CRAT: variants seen among roughly 807,000 people sequenced by gnomAD.
The protein encoded by CRAT is carnitine acetylase.
CRAT carries 66 observed loss-of-function variants against 73.7 expected under a neutral mutation model. That is an observed-to-expected ratio of 0.90 (90% CI 0.73 to 1.10). The LOEUF (loss-of-function observed/expected upper bound fraction) is 1.10, where lower values mean the gene tolerates loss of function less well. Ranked by LOEUF, CRAT falls within the 50% of genes least tolerant of loss-of-function variation. CRAT has a pLI of 0.00. For synonymous variants in CRAT, 321 were observed against 343.2 expected, an observed-to-expected ratio of 0.94 and a Z score of 0.71; for missense variants, 745 against 846.9, an observed-to-expected ratio of 0.88 and a Z score of 1.49.
rs112276400 is a variant in CRAT, at chr9:129,095,910, A to G, written c.1665+88T>C. 485 of 1,552,700 alleles carry G rather than the reference A, an allele frequency of 3.1e-4. 1 individual carries two copies. In the African/African-American group the frequency reaches 4.2e-3, roughly 13 times the overall value. On this transcript the variant is annotated intron_variant, in intron 13 of 13. Transcript: ENST00000318080. Reference sequence around the variant, plus strand: ...CCTCTGGAACTCAGCTGTGTTGGCAATGGGTCAGTGGGGCCTGTGTAGGCC... The same window carrying G: ...CCTCTGGAACTCAGCTGTGTTGGCAGTGGGTCAGTGGGGCCTGTGTAGGCC...
At chr9:129,108,921 G>A (rs772255453) in intron 1 of CRAT, 111 of 1,274,020 alleles carry the variant, frequency 8.7e-5, no homozygotes, top group Non-Finnish European at 1.1e-4. Context: ...GAGAAGACAA[G>A]AGCCAAGATT....
Position 129,107,302 on chromosome 9 carries a change from G to A in CRAT, c.291+512C>T, listed in dbSNP as rs1848074730. 2.9e-6 allele frequency: 1 copy of A among 339,428 alleles called. No individual in the cohort carries two copies. Among genetic ancestry groups the A allele is most frequent in the African/African-American group, 2.1e-5 (1 of 47,678 alleles). 21.0% of individuals were successfully genotyped at this position (339,428 alleles called of 1,614,324 possible). A position where few individuals can be genotyped will look rare whatever the true frequency, so the allele number is the denominator to read the frequency against. ...CCGCCTTGGACTCCCAAAGTGCTGG[G>A]ATTATAGGTGTGAGTCACTGCATCC... On this transcript the variant is annotated intron_variant, in intron 2 of 13. Coordinates refer to ENST00000318080, the MANE Select transcript of CRAT (RefSeq NM_000755.5). This position sits in a 1 kb window ranked among gnomAD's most constrained non-coding sequence, Gnocchi z 5.0.
Position 129,095,319 on chromosome 9 carries a change from CA to C in CRAT, c.*77del. ...AAGAGGGAACCAAGGAAGAGGGAAC[CA>C]AGGAGCTGAGCCCTGGTGGGTGGCC... On this transcript the variant is annotated 3_prime_UTR_variant, in exon 14 of 14. Coordinates refer to ENST00000318080, the MANE Select transcript of CRAT (RefSeq NM_000755.5). 6.8e-7 allele frequency: 1 copy of C among 1,467,820 alleles called. No individual in the cohort carries two copies. Among genetic ancestry groups the C allele is most frequent in the Non-Finnish European group, 9.4e-7 (1 of 1,068,148 alleles). 90.9% of individuals were successfully genotyped at this position (1,467,820 alleles called of 1,614,324 possible). A position where few individuals can be genotyped will look rare whatever the true frequency, so the allele number is the denominator to read the frequency against.
chr9:129,099,276 G>A (rs1847504877), intron 8 of CRAT, among the ~76,000 whole-genome samples: 1 of 151,856 alleles, frequency 6.6e-6, no homozygotes, highest in Non-Finnish European at 1.5e-5. Context: ...CCAAGTAGCT[G>A]GGATTACAGG....
rs760965216 is a variant in CRAT, at chr9:129,102,524, C to T, written c.506G>A (p.Cys169Tyr). ...PVEYLGGKPL[C>Y]MNQYYQILSS... ...CAAGATCTGATAGTACTGGTTCATGCACAGTGGCTTCCCCCCCAGGTACTC... is the reference window on the plus strand; with the variant it reads ...CAAGATCTGATAGTACTGGTTCATGTACAGTGGCTTCCCCCCCAGGTACTC... The change falls in exon 5 of 14, where the codon TGC (cysteine) becomes TAC (tyrosine). Residue 169 changes from cysteine (C) to tyrosine (Y), a missense_variant. By Grantham distance (194) the Cys-to-Tyr change is radical. Transcript: ENST00000318080. 2 of 1,614,158 alleles carry T rather than the reference C, an allele frequency of 1.2e-6. No homozygotes were observed. Among genetic ancestry groups the T allele is most frequent in the South Asian group, 2.2e-5 (2 of 91,092 alleles).
Position 129,106,140 on chromosome 9 carries a change from G to A in CRAT, c.291+1674C>T, listed in dbSNP as rs373550875. Among the ~76,000 whole-genome samples the A allele has an allele frequency of 3.3e-5, 5 of 151,958 alleles. No homozygotes were observed. Among genetic ancestry groups the A allele is most frequent in the African/African-American group, 1.2e-4 (5 of 41,356 alleles). ...AGCCTTTGGCAAGGGGTGAGGGGGAGGCAACTTGGCAAGGGGTGAGGGGGA... is the reference window on the plus strand; with the variant it reads ...AGCCTTTGGCAAGGGGTGAGGGGGAAGCAACTTGGCAAGGGGTGAGGGGGA... On this transcript the variant is annotated intron_variant, in intron 2 of 13. Coordinates refer to ENST00000318080, the MANE Select transcript of CRAT (RefSeq NM_000755.5). This position sits in a 1 kb window ranked among gnomAD's most constrained non-coding sequence, Gnocchi z 4.0.
intron 8 of CRAT, 67 bp from the exon 9 acceptor site, chr9:129,098,717 G>T: frequency 6.5e-7 from 1 of 1,534,854 alleles, no homozygotes; most frequent in Non-Finnish European, 8.7e-7. Context: ...TCTGGGACCA[G>T]GGTGGGGAGG....
rs532999065 is a variant in CRAT, at chr9:129,095,235, G to T, written c.*162C>A. 2.6e-6 allele frequency: 2 copies of T among 766,376 alleles called. No homozygotes were observed. Among genetic ancestry groups the T allele is most frequent in the African/African-American group, 1.8e-5 (1 of 57,106 alleles). The allele number at this position is 766,376 out of a possible 1,614,324, so 47.5% of individuals were successfully genotyped here. On this transcript the variant is annotated 3_prime_UTR_variant, in exon 14 of 14. Transcript: ENST00000318080. ...TGACCCACGGAAGGCACTTGGCTGGGGCCTGCAGGCCCCCTGGAGGATGCG... is the reference window on the plus strand; with the variant it reads ...TGACCCACGGAAGGCACTTGGCTGGTGCCTGCAGGCCCCCTGGAGGATGCG...
At position 129,107,908 on chromosome 9, in the gene CRAT, G is replaced by T; in HGVS notation, c.197C>A (p.Thr66Asn). 1 of 1,611,212 alleles carries T rather than the reference G, an allele frequency of 6.2e-7. No homozygotes were observed. The highest frequency in any genetic ancestry group is 2.2e-5 in the East Asian group (1 of 44,882). The change falls in exon 2 of 14, where the codon ACC (threonine) becomes AAC (asparagine). Residue 66 changes from threonine (T) to asparagine (N), a missense_variant. Physicochemically the swap from Thr to Asn is moderately conservative, Grantham distance 65. Transcript: ENST00000318080. The surrounding 1 kb of genome is among the most constrained non-coding windows in gnomAD (Gnocchi z 5.0). ...PIVSEEEWAH[T>N]KQLVDEFQAS... ...CTGAAACTCATCCACCAGCTGCTTG[G>T]TGTGGGCCCACTCCTCCTCACTCAC...
At chr9:129,101,245 GC>G in intron 6 of CRAT, among the ~76,000 whole-genome samples, 1 of 152,242 alleles carries the variant, frequency 6.6e-6, no homozygotes, top group East Asian at 1.9e-4. Flanking sequence ...AAACATGTCT[GC>G]CCATGGCTGT....
chr9:129,095,489 C>T lies in CRAT; in HGVS notation c.1789G>A (p.Glu597Lys), dbSNP rs776900643. The change falls in exon 14 of 14, where the codon GAG becomes AAG. Residue 597 changes from glutamate (E) to lysine (K), a missense_variant. Coordinates refer to ENST00000318080, the MANE Select transcript of CRAT (RefSeq NM_000755.5). ...TGCGCCAGGCGGGCGGCGTTGGTCTCCGCGCAGCTGTTGTAGGCCGACAGG... is the reference window on the plus strand; with the variant it reads ...TGCGCCAGGCGGGCGGCGTTGGTCTTCGCGCAGCTGTTGTAGGCCGACAGG... ...FSLSAYNSCA[E>K]TNAARLAHYL... The T allele has an allele frequency of 1.9e-6, 3 of 1,613,504 alleles. No homozygotes were observed. Among genetic ancestry groups the T allele is most frequent in the East Asian group, 4.5e-5 (2 of 44,884 alleles).
Position 129,102,027 on chromosome 9 carries a change from C to T in CRAT, c.661G>A (p.Gly221Arg), listed in dbSNP as rs368593020. ...FFELDVYHSD[G>R]TPLTADQIFV... ...ATCTGATCCGCAGTGAGGGGTGTCCCGTCACTGTGGTACACATCCAGCTCA... is the reference window on the plus strand; with the variant it reads ...ATCTGATCCGCAGTGAGGGGTGTCCTGTCACTGTGGTACACATCCAGCTCA... Residue 221 changes from glycine to arginine, a missense_variant, in exon 6 of 14, where the codon GGG (glycine) becomes AGG (arginine). Physicochemically the swap from Gly to Arg is moderately radical, Grantham distance 125. Transcript: ENST00000318080. 1.4e-5 allele frequency: 22 copies of T among 1,613,994 alleles called. No homozygotes were observed. Among genetic ancestry groups the T allele is most frequent in the African/African-American group, 1.3e-4 (10 of 74,944 alleles).
Position 129,096,254 on chromosome 9 carries a change from C to T in CRAT, c.1528-119G>A. 13 of 1,301,046 alleles carry T rather than the reference C, an allele frequency of 1.0e-5. No individual in the cohort carries two copies. In the South Asian group the frequency reaches 1.6e-4, roughly 16 times the overall value. 80.6% of individuals were successfully genotyped at this position (1,301,046 alleles called of 1,614,324 possible). ...CACTGGCCACTCAAAACCACAAGAC[C>T]AGAGTATTCTGGCCAGAGAGAGCCT... is the stretch of plus-strand genomic sequence containing the variant. On this transcript the variant is annotated intron_variant, in intron 12 of 13. Transcript: ENST00000318080.
chr9:129,110,731 C>T lies in CRAT; in HGVS notation c.-222G>A, dbSNP rs1390374857. The T allele has an allele frequency of 4.8e-6, 3 of 620,638 alleles. No individual in the cohort carries two copies. The highest frequency in any genetic ancestry group is 7.7e-6 in the Non-Finnish European group (3 of 387,206). 38.4% of individuals were successfully genotyped at this position (620,638 alleles called of 1,614,324 possible). On this transcript the variant is annotated 5_prime_UTR_variant, in exon 1 of 14. Coordinates refer to ENST00000318080, the MANE Select transcript of CRAT (RefSeq NM_000755.5). This position sits in a 1 kb window ranked among gnomAD's most constrained non-coding sequence, Gnocchi z 5.3. ...GGGAGGAGGACTCGCGAGGCGGGGC[C>T]TGGGCCGGTAGCGGGCCCCGGGCGG...
chr9:129,095,499 G>A lies in CRAT; in HGVS notation c.1779C>T (p.Asn593=), dbSNP rs1469407222. The A allele has an allele frequency of 1.2e-6, 2 of 1,613,432 alleles. No individual in the cohort carries two copies. ...AHINFSLSAY[N]SCAETNAARL... ...GGGCGGCGTTGGTCTCCGCGCAGCT[G>A]TTGTAGGCCGACAGGGAGAAGTTGA... is the stretch of plus-strand genomic sequence containing the variant. The change falls in exon 14 of 14, where the codon AAC becomes AAT. Residue 593 remains asparagine, a synonymous_variant. Transcript: ENST00000318080.
chr9:129,102,351 ACTC>A (rs745705496), intron 5 of CRAT, 46 bp downstream of exon 5: 12 of 1,609,482 alleles, frequency 7.5e-6, no homozygotes, highest in African/African-American at 2.7e-5. Context: ...GTCCGGCTGT[ACTC>A]CTGCAGCAGG....
chr9:129,105,512 G>A (rs1048510710), intron 2 of CRAT, among the ~76,000 whole-genome samples: 2 of 151,940 alleles, frequency 1.3e-5, no homozygotes, highest in African/African-American at 4.8e-5. Context: ...GCTGCAGACA[G>A]GTTTTCACCA....
rs559882118 is a variant in CRAT at position 129,107,576 on chromosome 9, CT to C, written c.291+237del. On this transcript the variant is annotated intron_variant, in intron 2 of 13. Transcript: ENST00000318080. This position sits in a 1 kb window ranked among gnomAD's most constrained non-coding sequence, Gnocchi z 5.0. ...CTGCCTCTGTCCTGGAACATGAAAC[CT>C]TGTCCACAACCTGTATCCTGTTCAT... 111 of 698,118 alleles carry C rather than the reference CT, an allele frequency of 1.6e-4. 1 individual carries two copies. In the East Asian group the frequency reaches 3.0e-3, roughly 19 times the overall value. 43.2% of individuals were successfully genotyped at this position (698,118 alleles called of 1,614,324 possible). A position where few individuals can be genotyped will look rare whatever the true frequency, so the allele number is the denominator to read the frequency against.
intron 2 of CRAT, 47 bp from the exon 3 acceptor site, chr9:129,104,353 T>G: frequency 6.9e-7 from 1 of 1,445,878 alleles, no homozygotes; most frequent in African/African-American, 1.4e-5. Flanking sequence ...TGGGCCCTGG[T>G]GCCCCCTGTT....
Sources: gnomAD v4.1 joint callset for allele counts (sites outside exome capture counted in the v4.1 genomes callset) on GRCh38, gnomAD v4.1.1 for gene constraint, Gnocchi (gnomAD v3.1) non-coding constraint, MANE v1.5 for transcripts, NCBI Gene and HGNC (gene_info 2026-07-23, HGNC 2026-07-21) for gene names.